The following ACOT7 variants were observed in gnomAD, a reference collection of about 807,000 sequenced individuals.
The protein encoded by ACOT7 is cytosolic acyl coenzyme A thioester hydrolase.
Under a neutral mutation model 40.2 loss-of-function variants are expected in ACOT7, and 12 were observed. The ratio of observed to expected loss-of-function variants is 0.30; its 90% CI spans 0.19 to 0.48. ACOT7 has a LOEUF of 0.48. Ranked by LOEUF, ACOT7 falls within the 20% of genes least tolerant of loss-of-function variation. ACOT7 has a pLI of 0.99. For missense variants in ACOT7, 395 were observed against 530.8 expected (o/e 0.74, Z 2.51); for synonymous variants, 228 against 219.5 (o/e 1.04, Z -0.34).
chr1:6,367,670 T>C (rs912140465), intron 1 of ACOT7, among the ~76,000 whole-genome samples: 1 of 152,196 alleles, frequency 6.6e-6, no homozygotes, highest in Non-Finnish European at 1.5e-5. Flanking sequence ...CGCCAGGAAC[T>C]GCAGGGCCCC....
chr1:6,269,634 C>T (rs992942480), intron 8 of ACOT7, among the ~76,000 whole-genome samples: 1 of 152,272 alleles, frequency 6.6e-6, no homozygotes, highest in Non-Finnish European at 1.5e-5. Context: ...GGCCCCAAGG[C>T]GGCTCTGATG....
intron 6 of ACOT7, among the ~76,000 whole-genome samples, chr1:6,300,936 C>T (rs945459321): frequency 4.6e-5 from 7 of 152,240 alleles, no homozygotes; most frequent in South Asian, 2.1e-4. Context: ...TGGAGAGTCA[C>T]GCTTCCAAAG....
Position 6,311,713 on chromosome 1 carries a change from T to C in ACOT7, c.712+6779A>G, listed in dbSNP as rs1162428931. Among the ~76,000 whole-genome samples the C allele has an allele frequency of 1.3e-5, 2 of 152,188 alleles. No individual in the cohort carries two copies. The highest frequency in any genetic ancestry group is 1.5e-5 in the Non-Finnish European group (1 of 68,032). On this transcript the variant is annotated intron_variant, in intron 6 of 8. Transcript: ENST00000361521. The surrounding 1 kb of genome is among the most constrained non-coding windows in gnomAD (Gnocchi z 5.2). The stretch of plus-strand genomic sequence containing the variant: ...AAGATGACAAGAAGGATTTCAGAAC[T>C]GGGAAACTTGCTGAGAAGAAGGGAA...
At chr1:6,379,877 G>A (rs934573182) in intron 1 of ACOT7, among the ~76,000 whole-genome samples, 2 of 151,332 alleles carry the variant, frequency 1.3e-5, no homozygotes, top group Admixed American at 6.6e-5. Flanking sequence ...CCTGGCCAAC[G>A]TGTTGAAACT....
chr1:6,353,349 C>T (rs56128483), intron 1 of ACOT7, among the ~76,000 whole-genome samples: 1 of 151,484 alleles, frequency 6.6e-6, no homozygotes, highest in Middle Eastern at 3.4e-3. Context: ...ATATATTTGG[C>T]TGCTGGGCGC....
At chr1:6,333,621 T>C in intron 3 of ACOT7, 53 bp from the exon 4 acceptor site, 6 of 1,589,142 alleles carry the variant, frequency 3.8e-6, no homozygotes, top group East Asian at 2.2e-5. Flanking sequence ...GGTGGGAATG[T>C]GAGCGTCCAG....
chr1:6,286,691 T>C (rs1400828390), intron 7 of ACOT7, among the ~76,000 whole-genome samples: 1 of 152,202 alleles, frequency 6.6e-6, no homozygotes, highest in Non-Finnish European at 1.5e-5. Flanking sequence ...CCACTCACAG[T>C]GGCTCTCCTT....
intron 2 of ACOT7, among the ~76,000 whole-genome samples, chr1:6,349,383 G>C (rs1641522444): frequency 6.6e-6 from 1 of 152,198 alleles, no homozygotes; most frequent in Non-Finnish European, 1.5e-5. Flanking sequence ...TACATCTGCT[G>C]TCTGGCCTCT....
In ACOT7 at chr1:6,301,448, C is replaced by T. The variant is rs949925805; in HGVS notation, c.713-6468G>A. On this transcript the variant is annotated intron_variant, in intron 6 of 8. Transcript: ENST00000361521. This position sits in a 1 kb window ranked among gnomAD's most constrained non-coding sequence, Gnocchi z 4.1. ...GAGCGGCTATTGAGTGCCTGGTGTG[C>T]GAATACCCTCTTCACCACCCCCATG... is the stretch of plus-strand genomic sequence containing the variant. 2.6e-5 allele frequency among the ~76,000 whole-genome samples: 4 copies of T among 152,292 alleles called. No individual in the cohort carries two copies. Among genetic ancestry groups the T allele is most frequent in the African/African-American group, 7.2e-5 (3 of 41,554 alleles).
At chr1:6,264,990 G>A (rs1638777109) in intron 8 of ACOT7, among the ~76,000 whole-genome samples, 1 of 152,220 alleles carries the variant, frequency 6.6e-6, no homozygotes, top group Admixed American at 6.5e-5. Flanking sequence ...GAGACACTAA[G>A]GGCATGGCGG....
intron 2 of ACOT7, 55 bp from the exon 3 acceptor site, chr1:6,339,644 C>T: frequency 6.3e-7 from 1 of 1,590,216 alleles, no homozygotes; most frequent in Non-Finnish European, 8.6e-7. Flanking sequence ...CCCCGAGAGC[C>T]CCACCCAGGA....
chr1:6,342,330 C>T (rs573135564), intron 2 of ACOT7, among the ~76,000 whole-genome samples: 15 of 152,346 alleles, frequency 9.8e-5, no homozygotes, highest in East Asian at 1.9e-4. Context: ...GCCCCACCCC[C>T]TAATACCATC....
rs1642329114 is a variant in ACOT7, at chr1:6,381,257, T to C, written c.143+12000A>G. Among the ~76,000 whole-genome samples, 4 of 151,774 alleles carry C rather than the reference T, an allele frequency of 2.6e-5. No homozygotes were observed. The South Asian group carries it at 8.3e-4, about 32-fold the overall frequency. ...CAAGGATATGTATATAACATGCACA[T>C]AATATATACACCTATACATGTCTAT... On this transcript the variant is annotated intron_variant, in intron 1 of 8. Coordinates refer to ENST00000361521, the MANE Select transcript of ACOT7 (RefSeq NM_007274.4).
chr1:6,391,096 G>C (rs960203268), intron 1 of ACOT7, among the ~76,000 whole-genome samples: 2 of 152,128 alleles, frequency 1.3e-5, no homozygotes, highest in African/African-American at 4.8e-5. Context: ...AGGAGTTCAA[G>C]ACCAGCCTGG....
chr1:6,371,352 T>C (rs1385904417), intron 1 of ACOT7, among the ~76,000 whole-genome samples: 2 of 143,092 alleles, frequency 1.4e-5, no homozygotes, highest in Admixed American at 1.4e-4. Context: ...AACAAGAGAG[T>C]CAGCCTGTCC....
In ACOT7 at chr1:6,330,491, G is replaced by A. The variant is rs1041167138; in HGVS notation, c.510+2986C>T. 6.6e-6 allele frequency among the ~76,000 whole-genome samples: 1 copy of A among 152,166 alleles called. No homozygotes were observed. The highest frequency in any genetic ancestry group is 2.4e-5 in the African/African-American group (1 of 41,432). On this transcript the variant is annotated intron_variant, in intron 4 of 8. Transcript: ENST00000361521. The surrounding 1 kb of genome is among the most constrained non-coding windows in gnomAD (Gnocchi z 4.6). ...GAACCGTGCAGCCTCTCCCATCTGC[G>A]GCTCCGGCTGCCTCGGAGCCATGGA...
At chr1:6,272,256 T>G (rs879335386) in intron 8 of ACOT7, among the ~76,000 whole-genome samples, 2 of 152,244 alleles carry the variant, frequency 1.3e-5, no homozygotes, top group Non-Finnish European at 2.9e-5. Flanking sequence ...AATGAATGAA[T>G]GAATGAATGA....
At chr1:6,384,562 C>T (rs1456271369) in intron 1 of ACOT7, among the ~76,000 whole-genome samples, 2 of 151,900 alleles carry the variant, frequency 1.3e-5, no homozygotes, top group African/African-American at 4.8e-5. Context: ...CTTTCAACCC[C>T]ACTTCTCCAA....
intron 4 of ACOT7, among the ~76,000 whole-genome samples, chr1:6,332,405 A>C (rs1044454671): frequency 2.6e-5 from 4 of 152,170 alleles, no homozygotes; most frequent in Non-Finnish European, 5.9e-5. Flanking sequence ...CAACGAATTA[A>C]ATTTCTTTAT....
Sources: gnomAD v4.1 joint callset for allele counts (sites outside exome capture counted in the v4.1 genomes callset) on GRCh38, gnomAD v4.1.1 for gene constraint, Gnocchi (gnomAD v3.1) non-coding constraint, MANE v1.5 for transcripts, NCBI Gene and HGNC (gene_info 2026-07-23, HGNC 2026-07-21) for gene names.